Variants in EIF4E3 observed in about 807,000 individuals in gnomAD.
EIF4E3 encodes the protein eukaryotic translation initiation factor 4E type 3.
EIF4E3 carries 26 observed loss-of-function variants against 31.7 expected under a neutral mutation model. The observed-to-expected ratio is 0.82, with a 90% CI of 0.60 to 1.14. The LOEUF is 1.14. Ranked by LOEUF, EIF4E3 falls within the 50% of genes most tolerant of loss-of-function variation. The pLI is 0.00. For missense variants in EIF4E3, 304 were observed against 270.9 expected (o/e 1.12, Z -0.86); for synonymous variants, 128 against 107.7 (o/e 1.19, Z -1.17).
At chr3:71,664,512 GAA>G in the EIF4E3 span, among the ~76,000 whole-genome samples, 3 of 152,096 alleles carry the variant, frequency 2.0e-5, no homozygotes, top group Admixed American at 2.0e-4. Flanking sequence ...ATTGGCTCAG[GAA>G]AAGAGTCAGG....
At chr3:71,670,542 T>G (rs912371475), downstream of EIF4E3, among the ~76,000 whole-genome samples, 41 of 152,232 alleles carry the variant, frequency 2.7e-4, no homozygotes, top group Admixed American at 8.5e-4. Context: ...AAAAAAAAGT[T>G]TTTGGTGGGG....
chr3:71,713,508 C>T (rs1050795542), intron 1 of EIF4E3, among the ~76,000 whole-genome samples: 6 of 124,776 alleles, frequency 4.8e-5, no homozygotes, highest in Non-Finnish European at 9.1e-5. Flanking sequence ...ATAATCATAG[C>T]TCACTGTATT....
chr3:71,711,297 T>C (rs1353084469), intron 1 of EIF4E3, among the ~76,000 whole-genome samples: 1 of 152,230 alleles, frequency 6.6e-6, no homozygotes, highest in Non-Finnish European at 1.5e-5. Context: ...TCAAAAATGT[T>C]GGGGTACAAT....
chr3:71,754,176 A>G, upstream of EIF4E3: 1 of 1,446,716 alleles, frequency 6.9e-7, no homozygotes, highest in Non-Finnish European at 9.2e-7. The surrounding 1 kb of genome is among the most constrained non-coding windows in gnomAD (Gnocchi z 5.8). Flanking sequence ...CGCGCTGCTG[A>G]TCGTGCGGGA....
At chr3:71,668,507 G>A in the EIF4E3 span, among the ~76,000 whole-genome samples, 1 of 151,774 alleles carries the variant, frequency 6.6e-6, no homozygotes, top group East Asian at 1.9e-4. Context: ...CTGACAAAGG[G>A]CTAATATCCA....
At chr3:71,733,184 T>C (rs1010627660) in intron 1 of EIF4E3, among the ~76,000 whole-genome samples, 2 of 152,170 alleles carry the variant, frequency 1.3e-5, no homozygotes, top group African/African-American at 4.8e-5. Context: ...CCTTTGGTCC[T>C]GGGAAAACCC....
chr3:71,748,365 G>A (rs111911397), intron 1 of EIF4E3, among the ~76,000 whole-genome samples: 6 of 152,230 alleles, frequency 3.9e-5, no homozygotes, highest in African/African-American at 1.2e-4. Context: ...GCCCTGGAAC[G>A]AATTCCCTGT....
rs2048930793 is a variant in EIF4E3, at chr3:71,682,065, G to C, written c.*2617C>G. 6.6e-6 allele frequency: 1 copy of C among 152,216 alleles called. No homozygotes were observed. The highest frequency in any genetic ancestry group is 1.9e-4 in the East Asian group (1 of 5,198). 9.4% of individuals were successfully genotyped at this position (152,216 alleles called of 1,614,324 possible). A position where few individuals can be genotyped will look rare whatever the true frequency, so the allele number is the denominator to read the frequency against. On this transcript the variant is annotated 3_prime_UTR_variant, in exon 7 of 7. Coordinates refer to ENST00000425534, the MANE Select transcript of EIF4E3 (RefSeq NM_001134651.2). ...AGCAGTTCAGCAAGTGCTTACGAAA[G>C]ACAGTCAAAATATAGGCAAGTTACT...
At chr3:71,705,800 T>G (rs757963905) in intron 2 of EIF4E3, among the ~76,000 whole-genome samples, 1 of 152,186 alleles carries the variant, frequency 6.6e-6, no homozygotes, top group Admixed American at 6.5e-5. Context: ...GTTCTATTTT[T>G]TTTTCTCCCA....
chr3:71,700,169 C>T (rs1222426604), intron 2 of EIF4E3, among the ~76,000 whole-genome samples: 2 of 152,056 alleles, frequency 1.3e-5, no homozygotes, highest in African/African-American at 4.8e-5. Flanking sequence ...GAGTGAGCCC[C>T]TGCCTCAAAA....
intron 1 of EIF4E3, among the ~76,000 whole-genome samples, chr3:71,734,281 T>A (rs1367889451): frequency 6.6e-6 from 1 of 152,168 alleles, no homozygotes; most frequent in African/African-American, 2.4e-5. Flanking sequence ...TCAGATGACT[T>A]TATACAAGTA....
chr3:71,734,222 C>A (rs990987363), intron 1 of EIF4E3, among the ~76,000 whole-genome samples: 1 of 152,188 alleles, frequency 6.6e-6, no homozygotes, highest in Non-Finnish European at 1.5e-5. Flanking sequence ...ACTAGGTCAT[C>A]ATTACAAAAG....
upstream of EIF4E3, among the ~76,000 whole-genome samples, chr3:71,728,289 C>T (rs529941105): frequency 6.9e-4 from 105 of 152,216 alleles, no homozygotes; most frequent in Admixed American, 3.1e-3. Flanking sequence ...ATGTAAGAGA[C>T]TTAATTATTT....
intron 1 of EIF4E3, among the ~76,000 whole-genome samples, chr3:71,721,697 T>C (rs192495642): frequency 8.5e-5 from 13 of 152,240 alleles, no homozygotes; most frequent in African/African-American, 3.1e-4. Flanking sequence ...GCTTCTCCTT[T>C]GGCTTCTACC....
chr3:71,672,916 AT>A (rs1248045097), downstream of EIF4E3, among the ~76,000 whole-genome samples: 4 of 152,204 alleles, frequency 2.6e-5, no homozygotes, highest in Non-Finnish European at 5.9e-5. Context: ...CCCAGAAAAC[AT>A]TTAGCCACTC....
intron 3 of EIF4E3, among the ~76,000 whole-genome samples, chr3:71,698,430 G>A (rs1241802975): frequency 1.3e-5 from 2 of 152,202 alleles, no homozygotes; most frequent in Non-Finnish European, 1.5e-5. Context: ...AGGTGTCCCT[G>A]TGGGGGACAT....
chr3:71,736,783 G>C (rs1036144267), intron 1 of EIF4E3, among the ~76,000 whole-genome samples: 12 of 152,196 alleles, frequency 7.9e-5, no homozygotes, highest in African/African-American at 2.9e-4. Flanking sequence ...CCGAGAGTGA[G>C]CCCTAATGTA....
chr3:71,693,837 C>T, intron 5 of EIF4E3, 38 bp downstream of exon 5: 2 of 1,488,446 alleles, frequency 1.3e-6, no homozygotes, highest in Non-Finnish European at 1.8e-6. Flanking sequence ...GCCAGGAGCA[C>T]ACGAGGCAGG....
intron 1 of EIF4E3, among the ~76,000 whole-genome samples, chr3:71,712,183 C>T (rs1226170388): frequency 6.6e-6 from 1 of 152,292 alleles, no homozygotes; most frequent in East Asian, 1.9e-4. Flanking sequence ...ACATTAAACA[C>T]CATGACTGCA....
Sources: gnomAD v4.1 joint callset for allele counts (sites outside exome capture counted in the v4.1 genomes callset) on GRCh38, gnomAD v4.1.1 for gene constraint, Gnocchi (gnomAD v3.1) non-coding constraint, MANE v1.5 for transcripts, NCBI Gene and HGNC (gene_info 2026-07-23, HGNC 2026-07-21) for gene names.